Variants in JAZF1 observed in about 807,000 individuals in gnomAD.
JAZF1 encodes the protein JAZF zinc finger 1.
A neutral mutation model predicts 26.4 loss-of-function variants in JAZF1; 8 were observed. That is an observed-to-expected ratio of 0.30 (90% CI 0.18 to 0.55). JAZF1 has a LOEUF of 0.55. Among genes scored for constraint, JAZF1 ranks in the 20% least tolerant of loss-of-function variants. The pLI, the probability that JAZF1 is intolerant of heterozygous loss-of-function variation, is 0.94. For missense variants in JAZF1, 199 were observed against 322.0 expected, an observed-to-expected ratio of 0.62 and a Z score of 2.92; for synonymous variants, 126 against 122.3, an observed-to-expected ratio of 1.03 and a Z score of -0.20.
chr7:27,915,097 A>T (rs1028872578), intron 2 of JAZF1, among the ~76,000 whole-genome samples: 1 of 152,192 alleles, frequency 6.6e-6, no homozygotes, highest in Non-Finnish European at 1.5e-5. Context: ...CTATTAAAAA[A>T]ATAATCACCA....
chr7:27,933,029 TA>T (rs1209621080), intron 2 of JAZF1, among the ~76,000 whole-genome samples: 2 of 152,328 alleles, frequency 1.3e-5, no homozygotes, highest in East Asian at 3.9e-4. Flanking sequence ...TTACAAATGT[TA>T]CTGGGATGGA....
At chr7:27,974,449 G>C (rs369307219) in intron 2 of JAZF1, among the ~76,000 whole-genome samples, 5 of 152,210 alleles carry the variant, frequency 3.3e-5, no homozygotes, top group Admixed American at 3.3e-4. Context: ...ACTTCCTTAA[G>C]GAACTTGAGT....
chr7:28,067,249 T>C (rs1459702972), intron 1 of JAZF1, among the ~76,000 whole-genome samples: 1 of 152,192 alleles, frequency 6.6e-6, no homozygotes, highest in African/African-American at 2.4e-5. Flanking sequence ...AGTGAACATG[T>C]TTCCTTGCTC....
At chr7:27,993,427 C>T (rs193169710) in intron 1 of JAZF1, among the ~76,000 whole-genome samples, 5 of 152,260 alleles carry the variant, frequency 3.3e-5, no homozygotes, top group African/African-American at 9.6e-5. Context: ...CCACTCTTCA[C>T]GGGGAAACGC....
chr7:28,140,891 C>T (rs1388796931), intron 1 of JAZF1, among the ~76,000 whole-genome samples: 16 of 108 alleles, frequency 0.15, no homozygotes, highest in African/African-American at 0.29. Context: ...TACATAAGTT[C>T]CGTAAGAGCC....
intron 2 of JAZF1, among the ~76,000 whole-genome samples, chr7:27,918,182 T>C (rs1289748562): frequency 6.6e-6 from 1 of 152,206 alleles, no homozygotes; most frequent in African/African-American, 2.4e-5. Context: ...TGGGGATTTG[T>C]TACTGCAGTA....
intron 2 of JAZF1, among the ~76,000 whole-genome samples, chr7:27,905,523 C>T (rs1784239757): frequency 6.6e-6 from 1 of 150,572 alleles, no homozygotes; most frequent in African/African-American, 2.4e-5. Context: ...CATCTACTGT[C>T]TTGACAATCA....
At position 27,997,248 on chromosome 7, in the gene JAZF1, G is replaced by C. The variant is rs538440315; in HGVS notation, c.116-5267C>G. On this transcript the variant is annotated intron_variant, in intron 1 of 4. Transcript: ENST00000283928. ...GAGGGAAGGTTCAGGCCTGAAAATA[G>C]GGGGGTTGTTTAAAAGGTTGATTAT... Among the ~76,000 whole-genome samples, 54 of 152,198 alleles carry C rather than the reference G, an allele frequency of 3.5e-4. 1 individual carries two copies. The East Asian group carries it at 9.1e-3, about 26-fold the overall frequency.
rs373129587 is a variant in JAZF1, at chr7:28,060,627, C to T, written c.116-68646G>A. Among the ~76,000 whole-genome samples the T allele has an allele frequency of 8.5e-5, 13 of 152,306 alleles. No individual in the cohort carries two copies. The East Asian group carries it at 1.9e-3, about 23-fold the overall frequency. ...AGGAGATTTATTTTTTGCTCCTCCA[C>T]ATAGCTCTAAGGTTCAAGACAGAAA... is the stretch of plus-strand genomic sequence containing the variant. On this transcript the variant is annotated intron_variant, in intron 1 of 4. Coordinates refer to ENST00000283928, the MANE Select transcript of JAZF1 (RefSeq NM_175061.4).
chr7:27,930,669 T>G (rs1446950357), intron 2 of JAZF1, among the ~76,000 whole-genome samples: 2 of 152,222 alleles, frequency 1.3e-5, no homozygotes, highest in Admixed American at 6.5e-5. Flanking sequence ...TTCAGTTATT[T>G]TTAGACACTT....
At chr7:27,901,922 A>C (rs1784166774) in intron 2 of JAZF1, among the ~76,000 whole-genome samples, 1 of 152,192 alleles carries the variant, frequency 6.6e-6, no homozygotes, top group Non-Finnish European at 1.5e-5. Flanking sequence ...TTTTGACTTC[A>C]ACCCATTATA....
chr7:28,056,843 G>C (rs994250765), intron 1 of JAZF1, among the ~76,000 whole-genome samples: 1 of 152,140 alleles, frequency 6.6e-6, no homozygotes, highest in Non-Finnish European at 1.5e-5. Flanking sequence ...AAGGTACAAC[G>C]ATATTCCAGA....
chr7:27,938,013 C>T (rs1321321167), intron 2 of JAZF1, among the ~76,000 whole-genome samples: 2 of 152,172 alleles, frequency 1.3e-5, no homozygotes, highest in Non-Finnish European at 2.9e-5. Flanking sequence ...ATAGATCTAC[C>T]TCATGGTTTT....
Position 28,049,384 on chromosome 7 carries a change from G to A in JAZF1, c.116-57403C>T, listed in dbSNP as rs190854403. On this transcript the variant is annotated intron_variant, in intron 1 of 4. Coordinates refer to ENST00000283928, the MANE Select transcript of JAZF1 (RefSeq NM_175061.4). The stretch of plus-strand genomic sequence containing the variant: ...CAGGCGTGAGCCACCGCGCCCGGCC[G>A]GAAACCCTTTCTTTCTATTCTACTA... Among the ~76,000 whole-genome samples the A allele has an allele frequency of 6.5e-4, 98 of 151,880 alleles. No homozygotes were observed. The Middle Eastern group carries it at 0.01, about 16-fold the overall frequency.
intron 2 of JAZF1, among the ~76,000 whole-genome samples, chr7:27,917,311 G>A (rs565272255): frequency 2.1e-4 from 32 of 152,278 alleles, no homozygotes; most frequent in African/African-American, 6.3e-4. Context: ...CTGTTCCAGC[G>A]TGCCTCTCCT....
chr7:28,106,797 G>T (rs982074608), intron 1 of JAZF1, among the ~76,000 whole-genome samples: 2 of 152,142 alleles, frequency 1.3e-5, no homozygotes, highest in Non-Finnish European at 2.9e-5. Context: ...CACCCCGATA[G>T]GAAATACTGT....
At chr7:28,016,793 T>G (rs1479023827) in intron 1 of JAZF1, among the ~76,000 whole-genome samples, 4 of 152,214 alleles carry the variant, frequency 2.6e-5, no homozygotes, top group African/African-American at 7.2e-5. Flanking sequence ...TGCTTTCTTT[T>G]GTATCATTCA....
chr7:27,920,186 A>G (rs1407320930), intron 2 of JAZF1, among the ~76,000 whole-genome samples: 1 of 152,210 alleles, frequency 6.6e-6, no homozygotes, highest in Non-Finnish European at 1.5e-5. Context: ...TTGGCAACTG[A>G]TGCCTCTTGG....
intron 1 of JAZF1, among the ~76,000 whole-genome samples, chr7:28,112,680 T>G (rs1049604646): frequency 6.6e-6 from 1 of 152,180 alleles, no homozygotes; most frequent in Non-Finnish European, 1.5e-5. Flanking sequence ...AGTACTGTGT[T>G]CATCTGTCTC....
Sources: gnomAD v4.1 joint callset for allele counts (sites outside exome capture counted in the v4.1 genomes callset) on GRCh38, gnomAD v4.1.1 for gene constraint, MANE v1.5 for transcripts, NCBI Gene and HGNC (gene_info 2026-07-23, HGNC 2026-07-21) for gene names.